Variants in KCNJ3 observed in about 807,000 individuals in gnomAD.
KCNJ3 encodes G protein-activated inward rectifier potassium channel 1.
In KCNJ3, 4 loss-of-function variants were observed where a neutral mutation model predicts 39.2. The observed-to-expected ratio is 0.10, with a 90% CI of 0.05 to 0.23. KCNJ3 has a LOEUF of 0.23. Ranked by LOEUF, KCNJ3 falls within the 10% of genes least tolerant of loss-of-function variation. The probability of loss-of-function intolerance (pLI) is 1.00; values close to 1 mark genes in which losing one functional copy is unlikely to be tolerated. For synonymous variants in KCNJ3, 230 were observed against 237.4 expected, an observed-to-expected ratio of 0.97 and a Z score of 0.29; for missense variants, 276 against 634.9, an observed-to-expected ratio of 0.43 and a Z score of 6.08.
intron 2 of KCNJ3, among the ~76,000 whole-genome samples, chr2:154,760,654 A>G (rs572350164): frequency 2.2e-4 from 34 of 151,724 alleles, no homozygotes; most frequent in Admixed American, 8.5e-4. Context: ...CCTGGGCTGA[A>G]CTGATCCTTT....
intron 2 of KCNJ3, among the ~76,000 whole-genome samples, chr2:154,823,002 T>C (rs1687210981): frequency 1.3e-5 from 2 of 151,702 alleles, no homozygotes; most frequent in African/African-American, 4.8e-5. Context: ...TTCTTATGCA[T>C]ATGAATATAA....
chr2:154,830,887 C>T (rs1218517753), intron 2 of KCNJ3, among the ~76,000 whole-genome samples: 5 of 152,132 alleles, frequency 3.3e-5, no homozygotes, highest in African/African-American at 4.8e-5. Flanking sequence ...TCTTTCCTTT[C>T]TTACAAGAAG....
At chr2:154,725,966 G>C (rs566677605) in intron 2 of KCNJ3, among the ~76,000 whole-genome samples, 1 of 152,140 alleles carries the variant, frequency 6.6e-6, no homozygotes, top group South Asian at 2.1e-4. Context: ...AACTCAGAAT[G>C]GATCAAGAAC....
intron 2 of KCNJ3, among the ~76,000 whole-genome samples, chr2:154,818,479 G>T (rs368681842): frequency 1.3e-5 from 2 of 152,158 alleles, no homozygotes; most frequent in East Asian, 3.9e-4. Flanking sequence ...GTTTTATTTA[G>T]CAGTCATTTG....
chr2:154,745,012 G>C (rs1407340971), intron 2 of KCNJ3, among the ~76,000 whole-genome samples: 1 of 151,630 alleles, frequency 6.6e-6, no homozygotes, highest in Non-Finnish European at 1.5e-5. Context: ...TATGTTGTTT[G>C]GTTTCTGTTT....
chr2:154,854,431 A>G lies in KCNJ3; in HGVS notation c.920-296A>G, dbSNP rs533816701. Among the ~76,000 whole-genome samples the G allele has an allele frequency of 1.1e-3, 160 of 152,266 alleles. 1 individual carries two copies. The highest frequency in any genetic ancestry group is 1.5e-3 in the Non-Finnish European group (104 of 67,998). ...CACTTATCTCCTTATAGGGACATGT[A>G]TGTTCTGAGATTATTCTATGCTACT... On this transcript the variant is annotated intron_variant, in intron 2 of 2. Coordinates refer to ENST00000295101, the MANE Select transcript of KCNJ3 (RefSeq NM_002239.4).
chr2:154,794,910 A>T (rs1158705987), intron 2 of KCNJ3, among the ~76,000 whole-genome samples: 1 of 152,012 alleles, frequency 6.6e-6, no homozygotes, highest in African/African-American at 2.4e-5. Flanking sequence ...CGTGTTAACA[A>T]AGAAGAATTT....
chr2:154,801,493 T>C (rs2105216822), intron 2 of KCNJ3, among the ~76,000 whole-genome samples: 1 of 151,854 alleles, frequency 6.6e-6, no homozygotes, highest in East Asian at 1.9e-4. Context: ...TTCTTTTCTT[T>C]TCTTTTCTTT....
At chr2:154,812,194 T>C (rs941983313) in intron 2 of KCNJ3, among the ~76,000 whole-genome samples, 6 of 152,146 alleles carry the variant, frequency 3.9e-5, no homozygotes, top group Admixed American at 3.3e-4. Flanking sequence ...CAAAAAACTT[T>C]GAATACCATT....
intron 2 of KCNJ3, among the ~76,000 whole-genome samples, chr2:154,838,863 A>T (rs1308346778): frequency 6.6e-6 from 1 of 152,190 alleles, no homozygotes; most frequent in African/African-American, 2.4e-5. Context: ...TTTCTTCTCT[A>T]TGCTAGTGAT....
intron 2 of KCNJ3, among the ~76,000 whole-genome samples, chr2:154,802,002 C>T (rs1307302142): frequency 6.6e-6 from 1 of 152,142 alleles, no homozygotes; most frequent in Non-Finnish European, 1.5e-5. Flanking sequence ...ACCTCCATCT[C>T]ATTTTCTTGC....
At chr2:154,727,414 C>T (rs371842520) in intron 2 of KCNJ3, among the ~76,000 whole-genome samples, 9 of 150,594 alleles carry the variant, frequency 6.0e-5, no homozygotes, top group East Asian at 5.9e-4. Context: ...GGAGAAACCC[C>T]GTCTCTACTA....
intron 2 of KCNJ3, among the ~76,000 whole-genome samples, chr2:154,741,410 C>A (rs1398297702): frequency 1.3e-5 from 2 of 148,962 alleles, no homozygotes; most frequent in African/African-American, 2.5e-5. Flanking sequence ...TTTGATATGT[C>A]ATTTTATAGT....
At chr2:154,713,047 T>C (rs984488709) in intron 2 of KCNJ3, among the ~76,000 whole-genome samples, 5 of 151,934 alleles carry the variant, frequency 3.3e-5, no homozygotes, top group African/African-American at 1.2e-4. Flanking sequence ...GAGTGAGCCA[T>C]GTGGAGAGTG....
chr2:154,830,508 G>A (rs570469834), intron 2 of KCNJ3, among the ~76,000 whole-genome samples: 2 of 152,154 alleles, frequency 1.3e-5, no homozygotes, highest in South Asian at 4.2e-4. Context: ...ATTAAGATGC[G>A]CTTCGTGTGT....
intron 2 of KCNJ3, among the ~76,000 whole-genome samples, chr2:154,775,892 C>A (rs1285906176): frequency 6.6e-6 from 1 of 152,064 alleles, no homozygotes; most frequent in African/African-American, 2.4e-5. Context: ...GACAAAAATT[C>A]TTTCCAAAAT....
At chr2:154,788,217 A>G (rs1686567900) in intron 2 of KCNJ3, among the ~76,000 whole-genome samples, 1 of 152,188 alleles carries the variant, frequency 6.6e-6, no homozygotes, top group Non-Finnish European at 1.5e-5. Context: ...AAGGTAAATA[A>G]AATCTACATA....
At chr2:154,767,561 C>A (rs1331440557) in intron 2 of KCNJ3, among the ~76,000 whole-genome samples, 3 of 152,094 alleles carry the variant, frequency 2.0e-5, no homozygotes, top group Non-Finnish European at 4.4e-5. Context: ...ATATATATGC[C>A]ACATTTTCTT....
At chr2:154,831,193 A>G (rs1687356993) in intron 2 of KCNJ3, among the ~76,000 whole-genome samples, 1 of 152,154 alleles carries the variant, frequency 6.6e-6, no homozygotes, top group South Asian at 2.1e-4. Flanking sequence ...CCTTTGATAA[A>G]GCACAACAGT....
Sources: gnomAD v4.1 joint callset for allele counts (sites outside exome capture counted in the v4.1 genomes callset) on GRCh38, gnomAD v4.1.1 for gene constraint, MANE v1.5 for transcripts, NCBI Gene and HGNC (gene_info 2026-07-23, HGNC 2026-07-21) for gene names.